The following THSD7B variants were observed in gnomAD, a reference collection of about 807,000 sequenced individuals.
THSD7B encodes thrombospondin type 1 domain containing 7B, also known as thrombospondin type-1 domain-containing protein 7B.
A neutral mutation model predicts 213.6 loss-of-function variants in THSD7B; 138 were observed. The ratio of observed to expected loss-of-function variants is 0.65; its 90% CI spans 0.56 to 0.74. The LOEUF is 0.74. Ranked by LOEUF, THSD7B falls within the 30% of genes least tolerant of loss-of-function variation. The probability of loss-of-function intolerance (pLI) is 0.00; values close to 1 mark genes in which losing one functional copy is unlikely to be tolerated. For missense variants in THSD7B, 1,931 were observed against 1,991.5 expected (o/e 0.97, Z 0.58); for synonymous variants, 742 against 687.0 (o/e 1.08, Z -1.25).
chr2:137,379,273 G>T (rs1196510269), intron 12 of THSD7B, among the ~76,000 whole-genome samples: 2 of 152,142 alleles, frequency 1.3e-5, no homozygotes, highest in Admixed American at 1.3e-4. Flanking sequence ...TGCAAAATAA[G>T]TTGTATCTTT....
chr2:136,935,389 A>G (rs1166584877), intron 2 of THSD7B, among the ~76,000 whole-genome samples: 2 of 152,178 alleles, frequency 1.3e-5, no homozygotes, highest in African/African-American at 4.8e-5. Context: ...GGATTCAAAG[A>G]GGAGACTCTA....
intron 15 of THSD7B, among the ~76,000 whole-genome samples, chr2:137,454,472 ATCTATG>A (rs1289680465): frequency 4.2e-5 from 6 of 143,834 alleles, no homozygotes; most frequent in African/African-American, 1.1e-4. Flanking sequence ...CTATCTATCT[ATCTATG>A]TGTGTGTGTG....
intron 3 of THSD7B, among the ~76,000 whole-genome samples, chr2:137,078,774 C>T (rs1156888391): frequency 6.6e-6 from 1 of 152,038 alleles, no homozygotes; most frequent in East Asian, 1.9e-4. Flanking sequence ...TGAAATGGAT[C>T]CCGTAGATTC....
chr2:137,548,606 A>C (rs1389535953), intron 15 of THSD7B, among the ~76,000 whole-genome samples: 3 of 151,974 alleles, frequency 2.0e-5, no homozygotes, highest in African/African-American at 7.2e-5. Context: ...TCCCATTTTC[A>C]TACCCCAGCT....
chr2:137,495,524 G>A (rs1679540968), intron 15 of THSD7B, among the ~76,000 whole-genome samples: 2 of 152,094 alleles, frequency 1.3e-5, no homozygotes, highest in African/African-American at 4.8e-5. Context: ...CACTTCCAAG[G>A]GTAAAATTTC....
intron 1 of THSD7B, among the ~76,000 whole-genome samples, chr2:136,833,282 G>C (rs1682786303): frequency 1.3e-5 from 1 of 75,936 alleles, no homozygotes. Flanking sequence ...GGAGAATGGT[G>C]TTAACCTGGG....
intron 4 of THSD7B, among the ~76,000 whole-genome samples, chr2:137,114,054 A>G (rs186405461): frequency 1.9e-3 from 293 of 152,302 alleles, no homozygotes; most frequent in African/African-American, 6.6e-3. Context: ...TTATTTTGAC[A>G]TCTGTTACTT....
At chr2:137,030,033 C>T (rs1686633724) in intron 2 of THSD7B, among the ~76,000 whole-genome samples, 1 of 152,082 alleles carries the variant, frequency 6.6e-6, no homozygotes, top group Non-Finnish European at 1.5e-5. Context: ...AGAAGCAGCT[C>T]CTGCCCACAA....
intron 5 of THSD7B, among the ~76,000 whole-genome samples, chr2:137,148,252 G>A (rs959387633): frequency 1.2e-4 from 19 of 152,088 alleles, no homozygotes; most frequent in African/African-American, 4.3e-4. Context: ...CTTCCACCAT[G>A]ATTATAAGTT....
chr2:137,292,963 A>G (rs1683371676), intron 12 of THSD7B, among the ~76,000 whole-genome samples: 1 of 152,076 alleles, frequency 6.6e-6, no homozygotes, highest in South Asian at 2.1e-4. Context: ...AGTTTGTGGA[A>G]CTATGAATCA....
At chr2:137,580,028 T>G (rs1681542418) in intron 17 of THSD7B, among the ~76,000 whole-genome samples, 1 of 152,144 alleles carries the variant, frequency 6.6e-6, no homozygotes, top group Non-Finnish European at 1.5e-5. Context: ...ATACTAAGTT[T>G]CTTTCTTGCT....
rs573046435 is a variant in THSD7B at position 136,844,488 on chromosome 2, G to C, written c.-35-37656G>C. 3.7e-4 allele frequency among the ~76,000 whole-genome samples: 55 copies of C among 149,586 alleles called. No homozygotes were observed. The South Asian group carries it at 0.012, about 31-fold the overall frequency. ...AGAGAGAGAGAGAGAGAGAGAGAGA[G>C]AGAGAGACAGAGAGATCGGTTTTCT... On this transcript the variant is annotated intron_variant, in intron 1 of 27. Transcript: ENST00000409968.
At chr2:137,211,594 CAT>C (rs567692524) in intron 7 of THSD7B, among the ~76,000 whole-genome samples, 218 of 152,112 alleles carry the variant, frequency 1.4e-3, no homozygotes, top group African/African-American at 4.5e-3. Context: ...GTTAGGATGA[CAT>C]GTGGTTAATG....
intron 2 of THSD7B, among the ~76,000 whole-genome samples, chr2:136,958,842 A>G (rs1685169273): frequency 6.6e-6 from 1 of 152,132 alleles, no homozygotes; most frequent in African/African-American, 2.4e-5. Context: ...CCCCAAAGTG[A>G]GCTGAATTTC....
intron 16 of THSD7B, among the ~76,000 whole-genome samples, chr2:137,569,920 T>C (rs1232252196): frequency 6.6e-6 from 1 of 152,126 alleles, no homozygotes; most frequent in African/African-American, 2.4e-5. Flanking sequence ...TAACCAGAAG[T>C]CTTCCCTCTT....
intron 5 of THSD7B, among the ~76,000 whole-genome samples, chr2:137,121,506 T>C (rs1004978978): frequency 2.0e-5 from 3 of 152,212 alleles, no homozygotes; most frequent in African/African-American, 7.2e-5. Flanking sequence ...GCATGTGGCA[T>C]CGTGGAGAAG....
At chr2:137,183,109 G>A (rs1172671529) in intron 7 of THSD7B, among the ~76,000 whole-genome samples, 1 of 152,096 alleles carries the variant, frequency 6.6e-6, no homozygotes, top group Non-Finnish European at 1.5e-5. Flanking sequence ...TTATCTCTCA[G>A]AGGCCTAGTT....
intron 15 of THSD7B, among the ~76,000 whole-genome samples, chr2:137,458,854 A>C (rs890508019): frequency 6.6e-6 from 1 of 152,204 alleles, no homozygotes; most frequent in Non-Finnish European, 1.5e-5. Context: ...CATAAAGATC[A>C]GTGATTACAC....
At chr2:137,671,067 G>T (rs1558878712) in intron 27 of THSD7B, among the ~76,000 whole-genome samples, 1 of 151,722 alleles carries the variant, frequency 6.6e-6, no homozygotes, top group Non-Finnish European at 1.5e-5. Flanking sequence ...GTTCACTTCA[G>T]TATCAGGTTT....
Sources: allele counts gnomAD v4.1 joint callset (sites outside exome capture counted in the v4.1 genomes callset), GRCh38; gene constraint gnomAD v4.1.1; transcripts MANE v1.5; gene names NCBI Gene and HGNC (gene_info 2026-07-23, HGNC 2026-07-21).